AFF2: variants seen among roughly 807,000 people sequenced by gnomAD.
AFF2 encodes AF4/FMR2 family member 2.
A neutral mutation model predicts 76.9 loss-of-function variants in AFF2; 14 were observed. That is an observed-to-expected ratio of 0.18 (90% CI 0.12 to 0.28). AFF2 has a LOEUF of 0.28. Among genes scored for constraint, AFF2 ranks in the 10% least tolerant of loss-of-function variants. AFF2 has a pLI of 1.00. For synonymous variants in AFF2, 398 were observed against 366.7 expected (o/e 1.09, Z -0.98); for missense variants, 868 against 1,001.1 (o/e 0.87, Z 1.79).
chrX:148,600,537 A>G (rs961124121), intron 1 of AFF2, among the ~76,000 whole-genome samples: 5 of 112,307 alleles, frequency 4.5e-5, no homozygotes, highest in Non-Finnish European at 9.4e-5. Context: ...AGAAGGAAAG[A>G]AAAGCTTCAG....
At chrX:148,626,701 A>G (rs943150017) in intron 1 of AFF2, among the ~76,000 whole-genome samples, 4 of 110,609 alleles carry the variant, frequency 3.6e-5, no homozygotes, top group African/African-American at 9.9e-5. Context: ...CATTACTCCA[A>G]TCTTTGTCTC....
At chrX:148,985,318 T>TTTTTTTTTTTTTTG in intron 19 of AFF2, among the ~76,000 whole-genome samples, 1 of 84,133 alleles carries the variant, frequency 1.2e-5, no homozygotes, top group Non-Finnish European at 2.3e-5. Context: ...TTTTTTTTTT[T>TTTTTTTTTTTTTTG]TATGATACAG....
At chrX:148,800,786 A>G (rs1414973852) in intron 3 of AFF2, among the ~76,000 whole-genome samples, 1 of 112,232 alleles carries the variant, frequency 8.9e-6, no homozygotes, top group Non-Finnish European at 1.9e-5. Context: ...TCCAAGACAC[A>G]TAAAAGATAA....
intron 9 of AFF2, among the ~76,000 whole-genome samples, chrX:148,930,974 C>T (rs950938418): frequency 9.0e-6 from 1 of 111,724 alleles, no homozygotes; most frequent in South Asian, 3.8e-4. Flanking sequence ...CATATGCAGC[C>T]GGGCACGGTG....
At chrX:148,635,092 A>G (rs2054017789) in intron 1 of AFF2, among the ~76,000 whole-genome samples, 2 of 111,484 alleles carry the variant, frequency 1.8e-5, no homozygotes, top group African/African-American at 6.5e-5. Context: ...TATATATATA[A>G]TGTGAATACA....
At chrX:148,725,425 G>A (rs782170913) in intron 3 of AFF2, among the ~76,000 whole-genome samples, 31 of 111,130 alleles carry the variant, frequency 2.8e-4, no homozygotes, top group African/African-American at 9.8e-4. Context: ...AAAACATGGA[G>A]CACAAACAGG....
In AFF2 at chrX:148,500,741, G is replaced by T. The variant is rs1488495676; in HGVS notation, c.-357G>T. ...CTCTGCCCCGGCCGCCCCCGCCGCC[G>T]CTGCCGCCGCCGGCCCGCAGCCAGC... On this transcript the variant is annotated 5_prime_UTR_variant, in exon 1 of 21. Transcript: ENST00000370460. 1.0e-5 allele frequency: 1 copy of T among 98,765 alleles called. No individual in the cohort carries two copies. Among genetic ancestry groups the T allele is most frequent in the African/African-American group, 3.6e-5 (1 of 27,562 alleles). The allele number at this position is 98,765 out of a possible 1,213,427, so 8.1% of individuals were successfully genotyped here.
At chrX:148,514,538 C>T (rs2052515671) in intron 1 of AFF2, among the ~76,000 whole-genome samples, 1 of 112,500 alleles carries the variant, frequency 8.9e-6, no homozygotes, top group Admixed American at 9.4e-5. Flanking sequence ...TTGGTGTTGA[C>T]CGTTGGAGGC....
At chrX:148,951,994 G>A (rs950242355) in intron 9 of AFF2, among the ~76,000 whole-genome samples, 3 of 112,121 alleles carry the variant, frequency 2.7e-5, no homozygotes, top group African/African-American at 9.7e-5. Context: ...ATGTCTACCT[G>A]GGAGATTAAA....
At chrX:148,669,886 C>T (rs1358040399) in intron 3 of AFF2, among the ~76,000 whole-genome samples, 5 of 111,524 alleles carry the variant, frequency 4.5e-5, no homozygotes, top group African/African-American at 1.6e-4. Flanking sequence ...TTTAGGGTGC[C>T]AGAAAAGACT....
chrX:148,766,095 A>G (rs1346640359), intron 3 of AFF2, among the ~76,000 whole-genome samples: 2 of 110,717 alleles, frequency 1.8e-5, no homozygotes, highest in Non-Finnish European at 3.8e-5. Flanking sequence ...TTCTTAATTC[A>G]GTCTATCATT....
chrX:148,582,069 G>A (rs1248045782), intron 1 of AFF2, among the ~76,000 whole-genome samples: 1 of 111,089 alleles, frequency 9.0e-6, no homozygotes, highest in Non-Finnish European at 1.9e-5. Flanking sequence ...CTTCATTTTG[G>A]GTTTGTCTTA....
At chrX:148,802,450 T>C (rs918934565) in intron 3 of AFF2, among the ~76,000 whole-genome samples, 4 of 112,393 alleles carry the variant, frequency 3.6e-5, no homozygotes, top group African/African-American at 1.3e-4. Flanking sequence ...AAAATAATAG[T>C]GCCAATGGTG....
chrX:148,506,952 A>G (rs368621575), intron 1 of AFF2, among the ~76,000 whole-genome samples: 105 of 112,157 alleles, frequency 9.4e-4, no homozygotes, highest in African/African-American at 3.2e-3. Context: ...CTGCATCACC[A>G]CTGGTGCATT....
At chrX:148,983,259 T>C (rs2124422114) in intron 19 of AFF2, among the ~76,000 whole-genome samples, 1 of 112,009 alleles carries the variant, frequency 8.9e-6, no homozygotes, top group South Asian at 3.8e-4. Flanking sequence ...ATGGCAGGAC[T>C]TTGAGGTGAC....
chrX:148,562,099 C>T (rs1312303604), intron 1 of AFF2, among the ~76,000 whole-genome samples: 2 of 112,174 alleles, frequency 1.8e-5, no homozygotes, highest in Admixed American at 9.4e-5. Flanking sequence ...CACCCACTAA[C>T]GTTGTTGCTT....
intron 4 of AFF2, among the ~76,000 whole-genome samples, chrX:148,817,416 A>G (rs1490419408): frequency 9.0e-6 from 1 of 111,311 alleles, no homozygotes; most frequent in Non-Finnish European, 1.9e-5. Flanking sequence ...TAATTGACAG[A>G]GATTAACTCC....
intron 7 of AFF2, among the ~76,000 whole-genome samples, chrX:148,862,437 T>A (rs936768039): frequency 9.0e-6 from 1 of 111,129 alleles, no homozygotes; most frequent in African/African-American, 3.3e-5. Flanking sequence ...AGATATTTTT[T>A]AAAAAATGAT....
chrX:148,608,905 C>T (rs1453136876), intron 1 of AFF2, among the ~76,000 whole-genome samples: 1 of 111,627 alleles, frequency 9.0e-6, no homozygotes, highest in Non-Finnish European at 1.9e-5. Context: ...CTTCAATGTG[C>T]ACTTAAGTTT....
Sources: gnomAD v4.1 joint callset for allele counts (sites outside exome capture counted in the v4.1 genomes callset) on GRCh38, gnomAD v4.1.1 for gene constraint, MANE v1.5 for transcripts, NCBI Gene and HGNC (gene_info 2026-07-23, HGNC 2026-07-21) for gene names.